Variants in WWOX observed in about 807,000 individuals in gnomAD.
WWOX encodes the protein WW domain containing oxidoreductase.
A neutral mutation model predicts 46.2 loss-of-function variants in WWOX; 69 were observed. The ratio of observed to expected loss-of-function variants is 1.49; its 90% CI spans 1.23 to 1.82. WWOX has a LOEUF of 1.82. Ranked by LOEUF, WWOX falls within the 40% of genes most tolerant of loss-of-function variation. The probability of loss-of-function intolerance (pLI) is 0.00; values close to 1 mark genes in which losing one functional copy is unlikely to be tolerated. For synonymous variants in WWOX, 359 were observed against 202.6 expected (o/e 1.77, Z -6.56); for missense variants, 919 against 542.6 (o/e 1.69, Z -6.89).
intron 8 of WWOX, chr16:78,896,511 C>G (rs912050543): frequency 6.6e-6 from 1 of 152,168 alleles, no homozygotes; most frequent in Non-Finnish European, 1.5e-5. Context: ...TGAGGCTGAT[C>G]ATTAACTTGC....
intron 8 of WWOX, among the ~76,000 whole-genome samples, chr16:78,749,030 T>G (rs773058847): frequency 7.9e-5 from 12 of 152,254 alleles, no homozygotes; most frequent in Non-Finnish European, 1.8e-4. Context: ...TCAGAGAAAT[T>G]AGCCAAGTGT....
At chr16:79,190,566 A>G (rs1245581168) in intron 8 of WWOX, among the ~76,000 whole-genome samples, 2 of 152,164 alleles carry the variant, frequency 1.3e-5, no homozygotes, top group Admixed American at 1.3e-4. Context: ...TTAAACTGGC[A>G]CGACAGTTCA....
chr16:78,884,604 C>G (rs548862041), intron 8 of WWOX, among the ~76,000 whole-genome samples: 5 of 152,222 alleles, frequency 3.3e-5, no homozygotes, highest in African/African-American at 1.2e-4. Flanking sequence ...AGGAATGTAT[C>G]CTATGTGATT....
chr16:78,755,521 C>T (rs999845983), intron 8 of WWOX, among the ~76,000 whole-genome samples: 3 of 152,258 alleles, frequency 2.0e-5, no homozygotes, highest in South Asian at 2.1e-4. Flanking sequence ...GCCAGAGTGG[C>T]TGTATCCTGG....
intron 8 of WWOX, among the ~76,000 whole-genome samples, chr16:78,565,609 C>A (rs1025714697): frequency 8.5e-5 from 13 of 152,202 alleles, no homozygotes; most frequent in Admixed American, 7.9e-4. Flanking sequence ...TTAATCACAT[C>A]TTCAGAGTCC....
chr16:78,322,350 A>T (rs2080502469), intron 5 of WWOX, among the ~76,000 whole-genome samples: 1 of 152,150 alleles, frequency 6.6e-6, no homozygotes, highest in Non-Finnish European at 1.5e-5. Context: ...ATGCATTGTT[A>T]TGTATTTCTG....
chr16:78,794,875 T>G (rs528753541), intron 8 of WWOX, among the ~76,000 whole-genome samples: 3 of 152,310 alleles, frequency 2.0e-5, no homozygotes, highest in South Asian at 2.1e-4. Flanking sequence ...TTTGACTGGG[T>G]TAGTGACAAA....
intron 8 of WWOX, among the ~76,000 whole-genome samples, chr16:78,863,608 G>C (rs928574194): frequency 6.6e-6 from 1 of 152,128 alleles, no homozygotes; most frequent in Non-Finnish European, 1.5e-5. Flanking sequence ...CCAACCATAA[G>C]CTGTATTCAG....
intron 8 of WWOX, among the ~76,000 whole-genome samples, chr16:78,486,494 G>A (rs2084640467): frequency 6.6e-6 from 1 of 152,154 alleles, no homozygotes; most frequent in Admixed American, 6.5e-5. Flanking sequence ...TAGTTTAGCA[G>A]TGTGCTCTCT....
At chr16:78,655,895 C>T (rs149050418) in intron 8 of WWOX, among the ~76,000 whole-genome samples, 1 of 152,062 alleles carries the variant, frequency 6.6e-6, no homozygotes, top group African/African-American at 2.4e-5. Context: ...TTCTCAGTAC[C>T]CCAGCTCTGT....
At chr16:78,745,976 T>TG (rs2049338895) in intron 8 of WWOX, among the ~76,000 whole-genome samples, 2 of 152,108 alleles carry the variant, frequency 1.3e-5, no homozygotes, top group Non-Finnish European at 2.9e-5. Flanking sequence ...ACTGGAACCC[T>TG]GCACCACGTC....
At chr16:78,806,549 C>A (rs1485167975) in intron 8 of WWOX, among the ~76,000 whole-genome samples, 1 of 152,002 alleles carries the variant, frequency 6.6e-6, no homozygotes, top group African/African-American at 2.4e-5. Flanking sequence ...GTGGGTGGGA[C>A]CCTTGCTGGA....
At chr16:78,855,727 G>C (rs950941095) in intron 8 of WWOX, among the ~76,000 whole-genome samples, 3 of 152,158 alleles carry the variant, frequency 2.0e-5, no homozygotes, top group African/African-American at 4.8e-5. Flanking sequence ...GGTGGAGAGA[G>C]ACGCACCACC....
intron 6 of WWOX, among the ~76,000 whole-genome samples, chr16:78,392,283 C>T (rs186271970): frequency 2.0e-5 from 3 of 152,068 alleles, no homozygotes; most frequent in African/African-American, 7.2e-5. Context: ...GTGAGCCACA[C>T]ATGCAAGGGA....
intron 5 of WWOX, among the ~76,000 whole-genome samples, chr16:78,340,397 G>C (rs2080991698): frequency 8.4e-6 from 1 of 119,086 alleles, no homozygotes; most frequent in African/African-American, 2.8e-5. Context: ...TAGTAGAGAT[G>C]AAGTGTTTAC....
intron 8 of WWOX, among the ~76,000 whole-genome samples, chr16:78,773,875 C>A (rs1415666830): frequency 1.3e-5 from 2 of 152,196 alleles, no homozygotes; most frequent in Non-Finnish European, 2.9e-5. Flanking sequence ...CTGTTGGCAT[C>A]ATTCGCATAC....
intron 8 of WWOX, among the ~76,000 whole-genome samples, chr16:78,820,904 C>G (rs2051475761): frequency 6.6e-6 from 1 of 152,168 alleles, no homozygotes. Context: ...ATTCTAATCT[C>G]TACTTCCTCC....
intron 8 of WWOX, among the ~76,000 whole-genome samples, chr16:78,813,866 C>T (rs2051262033): frequency 6.6e-6 from 1 of 152,252 alleles, no homozygotes; most frequent in African/African-American, 2.4e-5. Flanking sequence ...GCACATTTAG[C>T]AAGCATGTAG....
At chr16:78,205,173 C>A (rs529582171) in intron 5 of WWOX, among the ~76,000 whole-genome samples, 2 of 152,012 alleles carry the variant, frequency 1.3e-5, no homozygotes, top group East Asian at 3.9e-4. Flanking sequence ...AAGTTCAGAG[C>A]ACATAGCAGT....
Sources: gnomAD v4.1 joint callset for allele counts (sites outside exome capture counted in the v4.1 genomes callset) on GRCh38, gnomAD v4.1.1 for gene constraint, MANE v1.5 for transcripts, NCBI Gene and HGNC (gene_info 2026-07-23, HGNC 2026-07-21) for gene names.